The following SYN3 variants were observed in gnomAD, a reference collection of about 807,000 sequenced individuals.
SYN3 encodes synapsin-3.
Under a neutral mutation model 65.8 loss-of-function variants are expected in SYN3, and 35 were observed. The ratio of observed to expected loss-of-function variants is 0.53; its 90% CI spans 0.41 to 0.70. The LOEUF (loss-of-function observed/expected upper bound fraction) is 0.70, where lower values mean the gene tolerates loss of function less well. SYN3 is among the 30% of genes least tolerant of loss of function. The probability of loss-of-function intolerance (pLI) is 0.00; values close to 1 mark genes in which losing one functional copy is unlikely to be tolerated. For missense variants in SYN3, 680 were observed against 749.0 expected, an observed-to-expected ratio of 0.91 and a Z score of 1.08; for synonymous variants, 270 against 292.9, an observed-to-expected ratio of 0.92 and a Z score of 0.80.
intron 6 of SYN3, among the ~76,000 whole-genome samples, chr22:32,848,642 A>C (rs1309874552): frequency 6.6e-6 from 1 of 152,230 alleles, no homozygotes; most frequent in African/African-American, 2.4e-5. Flanking sequence ...ACTATGTCCA[A>C]GACAGTATCA....
chr22:32,666,991 G>A (rs1283674921), intron 6 of SYN3, among the ~76,000 whole-genome samples: 1 of 152,132 alleles, frequency 6.6e-6, no homozygotes, highest in African/African-American at 2.4e-5. Context: ...ATCCTTCAAG[G>A]TCTGGTTGAA....
At chr22:32,679,429 G>T (rs1226005777) in intron 6 of SYN3, among the ~76,000 whole-genome samples, 3 of 152,104 alleles carry the variant, frequency 2.0e-5, no homozygotes, top group Non-Finnish European at 2.9e-5. Flanking sequence ...GAATAATGCT[G>T]CAATGAACAT....
chr22:32,755,452 A>G (rs1164981413), intron 6 of SYN3, among the ~76,000 whole-genome samples: 3 of 152,240 alleles, frequency 2.0e-5, no homozygotes, highest in Non-Finnish European at 4.4e-5. Flanking sequence ...AGGGGCTCCC[A>G]TGATGATGGA....
chr22:32,804,061 T>C (rs1369536954), intron 6 of SYN3, among the ~76,000 whole-genome samples: 1 of 152,176 alleles, frequency 6.6e-6, no homozygotes, highest in Non-Finnish European at 1.5e-5. Flanking sequence ...AAACAAGAAA[T>C]AGCTCCCTCG....
chr22:32,539,925 G>GC (rs964244227), intron 8 of SYN3, among the ~76,000 whole-genome samples: 48 of 152,344 alleles, frequency 3.2e-4, no homozygotes, highest in African/African-American at 1.2e-3. Flanking sequence ...CTCAGAGGGG[G>GC]CAGGGAGGAG....
chr22:32,703,365 G>C (rs911908193), intron 6 of SYN3, among the ~76,000 whole-genome samples: 1 of 152,148 alleles, frequency 6.6e-6, no homozygotes, highest in East Asian at 1.9e-4. Context: ...CTGGCCGGGC[G>C]CGGTGGCTCA....
intron 3 of SYN3, among the ~76,000 whole-genome samples, chr22:32,935,209 A>G (rs1164729928): frequency 6.6e-6 from 1 of 152,158 alleles, no homozygotes; most frequent in East Asian, 1.9e-4. Flanking sequence ...CAATGTGGCC[A>G]GGTAAAGCTC....
At chr22:32,582,932 C>G (rs2058970625) in intron 7 of SYN3, among the ~76,000 whole-genome samples, 1 of 152,210 alleles carries the variant, frequency 6.6e-6, no homozygotes, top group Non-Finnish European at 1.5e-5. Flanking sequence ...AGCTACCACT[C>G]TTTTCTAGGA....
chr22:32,671,445 C>G (rs1467656393), intron 6 of SYN3, among the ~76,000 whole-genome samples: 1 of 151,876 alleles, frequency 6.6e-6, no homozygotes, highest in African/African-American at 2.4e-5. Context: ...AAAAACACAC[C>G]CTCCCTCACA....
At chr22:32,562,900 G>A (rs1305961189) in intron 7 of SYN3, among the ~76,000 whole-genome samples, 2 of 152,392 alleles carry the variant, frequency 1.3e-5, no homozygotes, top group Admixed American at 1.3e-4. Context: ...ACCAGGACAA[G>A]GGAAAGAAGA....
intron 12 of SYN3, among the ~76,000 whole-genome samples, chr22:32,521,375 A>G (rs954080960): frequency 2.0e-5 from 3 of 150,606 alleles, no homozygotes; most frequent in Non-Finnish European, 2.9e-5. Flanking sequence ...ACACAGGCCC[A>G]TTGTTTCTAG....
At chr22:32,984,732 C>T (rs2052474046) in intron 2 of SYN3, among the ~76,000 whole-genome samples, 1 of 152,160 alleles carries the variant, frequency 6.6e-6, no homozygotes, top group South Asian at 2.1e-4. Context: ...TTAAAAATCA[C>T]TTGCTTTTAA....
chr22:32,710,111 ATGTG>A (rs55824039), intron 6 of SYN3, among the ~76,000 whole-genome samples: 10 of 135,286 alleles, frequency 7.4e-5, no homozygotes, highest in Middle Eastern at 4.1e-3. Context: ...GTGTGTGTGT[ATGTG>A]TGTGTGTGTG....
Position 32,918,643 on chromosome 22 carries a change from T to C in SYN3, c.461+12747A>G, listed in dbSNP as rs181617081. On this transcript the variant is annotated intron_variant, in intron 4 of 13. Coordinates refer to ENST00000358763, the MANE Select transcript of SYN3 (RefSeq NM_003490.4). ...CCTAGAGAGTGCGGACAGCACGGTC[T>C]GGCAGGGTCTCCCTGAGGAGGCGAC... 4.4e-3 allele frequency among the ~76,000 whole-genome samples: 668 copies of C among 152,340 alleles called. 2 individuals are homozygous for C. The highest frequency in any genetic ancestry group is 0.015 in the African/African-American group (638 of 41,582).
chr22:32,673,632 C>T (rs954930292), intron 6 of SYN3, among the ~76,000 whole-genome samples: 3 of 152,200 alleles, frequency 2.0e-5, no homozygotes, highest in South Asian at 2.1e-4. Context: ...ATGGCTTTCT[C>T]GAAGAAGCAA....
intron 6 of SYN3, among the ~76,000 whole-genome samples, chr22:32,787,973 C>T (rs1239195529): frequency 6.6e-6 from 1 of 152,144 alleles, no homozygotes; most frequent in East Asian, 1.9e-4. Context: ...GTAGTGTAAA[C>T]ACAAGTGAGA....
intron 4 of SYN3, among the ~76,000 whole-genome samples, chr22:32,886,666 T>C (rs926695016): frequency 6.6e-6 from 1 of 152,246 alleles, no homozygotes; most frequent in Non-Finnish European, 1.5e-5. Flanking sequence ...AGGTGACTTG[T>C]GTCCCTCTAC....
At chr22:32,713,997 C>T (rs73156416) in intron 6 of SYN3, among the ~76,000 whole-genome samples, 2,830 of 152,224 alleles carry the variant, frequency 0.019, 27 homozygotes, top group East Asian at 0.031. Context: ...GGATTCTTTC[C>T]AGATGAGCTT....
At chr22:32,604,593 G>A (rs187186111) in intron 6 of SYN3, among the ~76,000 whole-genome samples, 3 of 151,700 alleles carry the variant, frequency 2.0e-5, no homozygotes, top group African/African-American at 7.3e-5. Context: ...TCATGTCTCC[G>A]CTGAAATTCT....
Sources: allele counts gnomAD v4.1 joint callset (sites outside exome capture counted in the v4.1 genomes callset), GRCh38; gene constraint gnomAD v4.1.1; transcripts MANE v1.5; gene names NCBI Gene and HGNC (gene_info 2026-07-23, HGNC 2026-07-21).